SEMA5B: variants seen among roughly 807,000 people sequenced by gnomAD.
SEMA5B encodes the protein semaphorin 5B.
SEMA5B carries 66 observed loss-of-function variants against 135.0 expected under a neutral mutation model. That is an observed-to-expected ratio of 0.49 (90% CI 0.40 to 0.60). The LOEUF (loss-of-function observed/expected upper bound fraction) is 0.60. Among genes scored for constraint, SEMA5B ranks in the 20% least tolerant of loss-of-function variants. The pLI, the probability that SEMA5B is intolerant of heterozygous loss-of-function variation, is 0.00. For synonymous variants in SEMA5B, 690 were observed against 639.5 expected, an observed-to-expected ratio of 1.08 and a Z score of -1.19; for missense variants, 1,501 against 1,566.3, an observed-to-expected ratio of 0.96 and a Z score of 0.70.
intron 2 of SEMA5B, among the ~76,000 whole-genome samples, chr3:122,951,080 T>A (rs112423387): frequency 1.3e-5 from 2 of 152,294 alleles, no homozygotes; most frequent in African/African-American, 4.8e-5. Context: ...ACCACAGGCA[T>A]GCACCATCAT....
chr3:122,952,216 G>A (rs78865964), intron 2 of SEMA5B, among the ~76,000 whole-genome samples: 4,611 of 152,244 alleles, frequency 0.03, 79 homozygotes, highest in Non-Finnish European at 0.046. Context: ...TTTTCACACC[G>A]TCACTCACAT....
rs1395086672 is a variant in SEMA5B, at chr3:122,909,558, CCTGGGTAGAGTATAGA to C, written c.*569_*584del. On this transcript the variant is annotated 3_prime_UTR_variant, in exon 23 of 23. Transcript: ENST00000357599. The stretch of plus-strand genomic sequence containing the variant: ...TCACTGCCTCTGACCAGAGGGATGC[CCTGGGTAGAGTATAGA>C]CTTCCAGGCAGAGGTGGATAACCTG... The C allele has an allele frequency of 6.5e-6, 1 of 153,214 alleles. No individual in the cohort carries two copies. Among genetic ancestry groups the C allele is most frequent in the Non-Finnish European group, 1.5e-5 (1 of 68,520 alleles). 9.5% of individuals were successfully genotyped at this position (153,214 alleles called of 1,614,324 possible).
At chr3:122,983,314 T>G (rs1008804186) in intron 1 of SEMA5B, among the ~76,000 whole-genome samples, 1 of 152,170 alleles carries the variant, frequency 6.6e-6, no homozygotes, top group African/African-American at 2.4e-5. Flanking sequence ...GTCACTTATT[T>G]CTAGTATTCT....
intron 5 of SEMA5B, among the ~76,000 whole-genome samples, chr3:122,932,333 G>A (rs141361806): frequency 5.8e-5 from 8 of 137,500 alleles, no homozygotes; most frequent in African/African-American, 8.0e-5. Flanking sequence ...GGCTCACTGC[G>A]GCCTCAACCT....
chr3:122,948,261 G>A (rs914531693), intron 3 of SEMA5B, among the ~76,000 whole-genome samples: 14 of 152,148 alleles, frequency 9.2e-5, no homozygotes, highest in African/African-American at 3.4e-4. Context: ...ACCCCAGGTT[G>A]GCATGCATGA....
At chr3:123,004,964 G>C (rs1383349143) in intron 1 of SEMA5B, among the ~76,000 whole-genome samples, 1 of 152,146 alleles carries the variant, frequency 6.6e-6, no homozygotes, top group African/African-American at 2.4e-5. Flanking sequence ...TACTCTGTAG[G>C]AAAAACTTCC....
Position 122,961,125 on chromosome 3 carries a change from C to T in SEMA5B, c.124+15G>A. 1.2e-6 allele frequency: 2 copies of T among 1,601,180 alleles called. No individual in the cohort carries two copies. Among genetic ancestry groups the T allele is most frequent in the Non-Finnish European group, 1.7e-6 (2 of 1,172,094 alleles). On this transcript the variant is annotated intron_variant, in intron 2 of 22. Transcript: ENST00000357599. ...TACCTGCTGCAGCCCCCCACACTCC[C>T]CTGGGCACACTTACCCCTGACCAGT...
chr3:123,009,451 C>A (rs182549032), intron 1 of SEMA5B, among the ~76,000 whole-genome samples: 35 of 152,266 alleles, frequency 2.3e-4, no homozygotes, highest in Non-Finnish European at 4.6e-4. Context: ...TTCCCCCAAG[C>A]CTTGCACATC....
intron 12 of SEMA5B, among the ~76,000 whole-genome samples, chr3:122,918,652 A>G (rs1020437413): frequency 5.1e-4 from 77 of 152,290 alleles, no homozygotes; most frequent in African/African-American, 1.6e-3. Flanking sequence ...CCTGCCCTCA[A>G]TTAAGTCCCA....
At chr3:122,990,251 C>T (rs1941835078) in intron 1 of SEMA5B, among the ~76,000 whole-genome samples, 1 of 152,100 alleles carries the variant, frequency 6.6e-6, no homozygotes, top group African/African-American at 2.4e-5. Context: ...ATCCTGCCCT[C>T]CACCTTTGAG....
intron 1 of SEMA5B, among the ~76,000 whole-genome samples, chr3:123,017,449 C>T (rs945101755): frequency 6.6e-6 from 1 of 152,172 alleles, no homozygotes; most frequent in Non-Finnish European, 1.5e-5. Context: ...CATTTTCAAA[C>T]CCATACTCAT....
chr3:123,021,100 C>G (rs1942664356), intron 1 of SEMA5B, among the ~76,000 whole-genome samples: 1 of 152,204 alleles, frequency 6.6e-6, no homozygotes, highest in South Asian at 2.1e-4. Flanking sequence ...CCTGATGGGA[C>G]CTAGGGTATC....
intron 15 of SEMA5B, 60 bp downstream of exon 15, chr3:122,913,798 G>T: frequency 6.4e-7 from 1 of 1,566,556 alleles, no homozygotes. Context: ...GGAGAATCCA[G>T]GCCACTTTCT....
chr3:122,942,828 T>C (rs987008627), intron 4 of SEMA5B, among the ~76,000 whole-genome samples: 1 of 152,210 alleles, frequency 6.6e-6, no homozygotes, highest in South Asian at 2.1e-4. Context: ...TGAGAGCTAC[T>C]GGGGTCGGCC....
intron 2 of SEMA5B, among the ~76,000 whole-genome samples, chr3:122,951,352 C>A (rs1367832676): frequency 6.6e-6 from 1 of 152,128 alleles, no homozygotes; most frequent in Non-Finnish European, 1.5e-5. Context: ...CTATAAGTAG[C>A]AAAATGGGAA....
chr3:122,957,124 G>T (rs1174822306), intron 2 of SEMA5B, among the ~76,000 whole-genome samples: 2 of 152,216 alleles, frequency 1.3e-5, no homozygotes, highest in African/African-American at 4.8e-5. Flanking sequence ...CAAACCTAAA[G>T]ATTCAGGAGT....
Position 122,914,018 on chromosome 3 carries a change from G to T in SEMA5B, c.1989-17C>A, listed in dbSNP as rs759372972. The T allele has an allele frequency of 7.7e-6, 12 of 1,561,304 alleles. No homozygotes were observed. Among genetic ancestry groups the T allele is most frequent in the Non-Finnish European group, 8.7e-6 (10 of 1,152,202 alleles). On this transcript the variant is annotated splice_polypyrimidine_tract_variant and intron_variant, in intron 14 of 22. Coordinates refer to ENST00000357599, the MANE Select transcript of SEMA5B (RefSeq NM_001031702.4). The stretch of plus-strand genomic sequence containing the variant: ...GCCCCATTCCTGGCGGGGTGGGAGG[G>T]GACAGAGACAGATGCCCCTCTGAGC...
In SEMA5B at chr3:122,911,974, C is replaced by T. The variant is rs767386549; in HGVS notation, c.2992G>A (p.Ala998Thr). The T allele has an allele frequency of 1.9e-6, 3 of 1,613,002 alleles. No homozygotes were observed. The highest frequency in any genetic ancestry group is 2.2e-5 in the East Asian group (1 of 44,838). The change falls in exon 20 of 23, where the codon GCC becomes ACC. Residue 998 changes from alanine (A) to threonine (T), a missense_variant. Around this residue, in one of 2 missense-constraint regions of SEMA5B, gnomAD observed 927 missense variants for 881.6 expected, o/e 1.05. Transcript: ENST00000357599. ...HCEELLPGSS[A>T]CAGNSSQSRP... ...CTCTGGCTGCTGTTTCCAGCACAGGCGCTGGACCCTGGGAGGAGCTCCTCA... is the reference window on the plus strand; with the variant it reads ...CTCTGGCTGCTGTTTCCAGCACAGGTGCTGGACCCTGGGAGGAGCTCCTCA...
intron 1 of SEMA5B, among the ~76,000 whole-genome samples, chr3:122,973,990 C>A (rs1347727267): frequency 6.6e-6 from 1 of 152,226 alleles, no homozygotes; most frequent in African/African-American, 2.4e-5. Flanking sequence ...GGCACAGCCT[C>A]GGGCCGTCTA....
Sources: allele counts gnomAD v4.1 joint callset (sites outside exome capture counted in the v4.1 genomes callset), GRCh38; gene constraint gnomAD v4.1.1; regional missense constraint gnomAD v4.1.1; transcripts MANE v1.5; gene names NCBI Gene and HGNC (gene_info 2026-07-23, HGNC 2026-07-21).